The following CETP variants were observed in gnomAD, a reference collection of about 807,000 sequenced individuals.
CETP encodes cholesteryl ester transfer protein.
In CETP, 56 loss-of-function variants were observed where a neutral mutation model predicts 66.5. The observed-to-expected ratio is 0.84, with a 90% CI of 0.68 to 1.05. The LOEUF (loss-of-function observed/expected upper bound fraction) is 1.05. Among genes scored for constraint, CETP ranks in the 50% least tolerant of loss-of-function variants. The pLI, the probability that CETP is intolerant of heterozygous loss-of-function variation, is 0.00. For synonymous variants in CETP, 251 were observed against 245.7 expected, an observed-to-expected ratio of 1.02 and a Z score of -0.20; for missense variants, 612 against 609.6, an observed-to-expected ratio of 1.00 and a Z score of -0.04.
chr16:56,978,111 C>T lies in CETP; in HGVS notation c.1002C>T (p.Ser334=), dbSNP rs770138577. The change falls in exon 11 of 16, where the codon AGC becomes AGT. Residue 334 remains serine, a synonymous_variant. Coordinates refer to ENST00000200676, the MANE Select transcript of CETP (RefSeq NM_000078.3). ...CACAGGTTGTCGGCGGCTTCCCCAG[C>T]CAGGCCCAAGTCACCGTCCACTGCC... The part of the protein sequence containing the change: ...IFQEVVGGFP[S]QAQVTVHCLK... 6.2e-7 allele frequency: 1 copy of T among 1,614,246 alleles called. No homozygotes were observed. Among genetic ancestry groups the T allele is most frequent in the African/African-American group, 1.3e-5 (1 of 75,066 alleles).
chr16:56,981,815 T>C (rs1204886920), intron 13 of CETP, 135 bp downstream of exon 13: 26 of 853,392 alleles, frequency 3.0e-5, no homozygotes, highest in Non-Finnish European at 4.8e-5. Context: ...ATGCTGTGTC[T>C]CTTGTGACCC....
chr16:56,979,923 T>G (rs557070842), intron 11 of CETP, among the ~76,000 whole-genome samples: 19 of 152,326 alleles, frequency 1.2e-4, no homozygotes. Context: ...TCCAGGGGCC[T>G]TCGATGTGGT....
chr16:56,975,739 TC>T (rs35874588), intron 10 of CETP, among the ~76,000 whole-genome samples: 95,615 of 151,432 alleles, frequency 0.63, 30,756 homozygotes, highest in Non-Finnish European at 0.69. Context: ...GTCACCTCAC[TC>T]CCCCCACCCA....
chr16:56,981,144 G>A lies in CETP; in HGVS notation c.1147-14G>A. 2 of 1,608,578 alleles carry A rather than the reference G, an allele frequency of 1.2e-6. No homozygotes were observed. Among genetic ancestry groups the A allele is most frequent in the South Asian group, 1.1e-5 (1 of 90,980 alleles). On this transcript the variant is annotated splice_polypyrimidine_tract_variant and intron_variant, in intron 11 of 15. Transcript: ENST00000200676. ...AGAGCCCTGGCTCACAGCAAATTTGGTTTCTCTCCCCAGGATATCGTGACT... is the reference window on the plus strand; with the variant it reads ...AGAGCCCTGGCTCACAGCAAATTTGATTTCTCTCCCCAGGATATCGTGACT...
At chr16:56,970,777 GAC>G (rs1596999831) in intron 5 of CETP, among the ~76,000 whole-genome samples, 1 of 152,334 alleles carries the variant, frequency 6.6e-6, no homozygotes, top group East Asian at 1.9e-4. Context: ...TTGGACTCTA[GAC>G]ACGTTCTCGT....
intron 15 of CETP, 81 bp downstream of exon 15, chr16:56,983,492 T>C (rs1322523893): frequency 1.2e-5 from 19 of 1,596,034 alleles, no homozygotes; most frequent in East Asian, 2.2e-5. Flanking sequence ...CTGGGGGCTG[T>C]TGGGGAGACA....
Position 56,963,051 on chromosome 16 carries a change from C to T in CETP, c.160C>T (p.Arg54Ter), listed in dbSNP as rs780627434. Residue 54 changes from arginine (R) to a stop codon, truncating the protein, a stop_gained, in exon 2 of 16, where the codon CGA becomes TGA. Coordinates refer to ENST00000200676, the MANE Select transcript of CETP (RefSeq NM_000078.3). LOFTEE classifies it high-confidence loss of function. ...TAKVIQTAFQ[R>*]ASYPDITGEK... ...CAAGGTGATCCAGACCGCCTTCCAG[C>T]GAGCCAGCTACCCAGATATCACGGG... is the stretch of plus-strand genomic sequence containing the variant. 1.4e-5 allele frequency: 23 copies of T among 1,614,042 alleles called. No individual in the cohort carries two copies. The highest frequency in any genetic ancestry group is 3.3e-5 in the South Asian group (3 of 91,088).
rs1213685552 is a variant in CETP at position 56,982,027 on chromosome 16, C to T, written c.1249-138C>T. On this transcript the variant is annotated intron_variant, in intron 13 of 15. Transcript: ENST00000200676. Reference sequence around the variant, plus strand: ...CACTCAGGAAGGGCACCGTCTGGGGCAGGAAAACGGAGTGGGTTGGATGTA... The same window carrying T: ...CACTCAGGAAGGGCACCGTCTGGGGTAGGAAAACGGAGTGGGTTGGATGTA... The T allele has an allele frequency of 9.7e-6, 8 of 827,246 alleles. No individual in the cohort carries two copies. The East Asian group carries it at 2.1e-4, about 21-fold the overall frequency. The allele number at this position is 827,246 out of a possible 1,614,324, so 51.2% of individuals were successfully genotyped here.
chr16:56,969,805 G>A, intron 4 of CETP, 109 bp from the exon 5 acceptor site: 2 of 1,537,348 alleles, frequency 1.3e-6, no homozygotes, highest in East Asian at 2.3e-5. Context: ...TGGGAAGTTT[G>A]CAGGGGTGGG....
chr16:56,983,036 G>C (rs183327082), intron 14 of CETP, among the ~76,000 whole-genome samples: 5 of 152,328 alleles, frequency 3.3e-5, no homozygotes, highest in African/African-American at 1.2e-4. Context: ...TAGCAGGGTA[G>C]ACTCAGCTAA....
intron 9 of CETP, 98 bp from the exon 10 acceptor site, chr16:56,975,003 G>A: frequency 9.9e-7 from 1 of 1,013,414 alleles, no homozygotes; most frequent in South Asian, 1.3e-5. Flanking sequence ...GTCTGAGGAG[G>A]GGTCCAGTCC....
intron 5 of CETP, 106 bp from the exon 6 acceptor site, chr16:56,970,927 C>G: frequency 9.7e-7 from 1 of 1,034,054 alleles, no homozygotes; most frequent in Non-Finnish European, 1.5e-6. Flanking sequence ...TCCTGAGCTA[C>G]AAGAGTCAGG....
chr16:56,962,285 T>C (rs1442779585), intron 1 of CETP, 188 bp downstream of exon 1: 5 of 741,692 alleles, frequency 6.7e-6, no homozygotes, highest in Non-Finnish European at 1.2e-5. Context: ...GCCTTCAAGG[T>C]CAAGTTCTTT....
rs1933650696 is a variant in CETP, at chr16:56,983,589, C to T, written c.1408-3C>T. 3 of 1,614,072 alleles carry T rather than the reference C, an allele frequency of 1.9e-6. No homozygotes were observed. The highest frequency in any genetic ancestry group is 2.7e-5 in the African/African-American group (2 of 74,932). Reference sequence around the variant, plus strand: ...CCCTCTCTCCTACTGCCCCTCCCTTCAGGGCTTCCTGCTGCTGCAGATGGA... The same window carrying T: ...CCCTCTCTCCTACTGCCCCTCCCTTTAGGGCTTCCTGCTGCTGCAGATGGA... On this transcript the variant is annotated splice_region_variant and splice_polypyrimidine_tract_variant and intron_variant, in intron 15 of 15. Coordinates refer to ENST00000200676, the MANE Select transcript of CETP (RefSeq NM_000078.3).
At position 56,979,499 on chromosome 16, in the gene CETP, C is replaced by G. The variant is rs541658573; in HGVS notation, c.1146+1244C>G. On this transcript the variant is annotated intron_variant, in intron 11 of 15. Coordinates refer to ENST00000200676, the MANE Select transcript of CETP (RefSeq NM_000078.3). ...TTAAGAATCAGTATTATCTTTAATG[C>G]TCCTTAGAATATCTTCAATTTTTTT... is the stretch of plus-strand genomic sequence containing the variant. 9.5e-4 allele frequency among the ~76,000 whole-genome samples: 141 copies of G among 147,786 alleles called. 1 individual carries two copies. The highest frequency in any genetic ancestry group is 3.4e-3 in the African/African-American group (137 of 40,040).
intron 8 of CETP, among the ~76,000 whole-genome samples, 195 bp downstream of exon 8, chr16:56,972,278 C>A (rs1439125572): frequency 5.3e-5 from 8 of 152,196 alleles, no homozygotes; most frequent in Admixed American, 3.9e-4. Context: ...TGCCCCTGAC[C>A]CCTCTCTGCA....
At chr16:56,962,968 G>T (rs1460868607) in intron 1 of CETP, 42 bp from the exon 2 acceptor site, 2 of 1,549,804 alleles carry the variant, frequency 1.3e-6, no homozygotes, top group Non-Finnish European at 1.8e-6. Flanking sequence ...CAGGGGGCTT[G>T]GTGTGGGCCT....
chr16:56,969,352 C>G (rs370833647), intron 2 of CETP, 34 bp from the exon 3 acceptor site: 6 of 1,612,728 alleles, frequency 3.7e-6, no homozygotes, highest in Non-Finnish European at 2.5e-6. Flanking sequence ...CTGGATGACC[C>G]CCAACATCCT....
Position 56,963,017 on chromosome 16 carries a change from C to G in CETP, c.126C>G (p.His42Gln). 2 of 1,614,096 alleles carry G rather than the reference C, an allele frequency of 1.2e-6. No individual in the cohort carries two copies. The highest frequency in any genetic ancestry group is 2.2e-5 in the South Asian group (2 of 91,086). Residue 42 changes from histidine to glutamine, a missense_variant, in exon 2 of 16, where the codon CAC becomes CAG. By Grantham distance (24) the His-to-Gln change is conservative (BLOSUM62 0). Transcript: ENST00000200676. ...CACTGCCCTCCCCTCTAGTGAACCA[C>G]GAGACTGCCAAGGTGATCCAGACCG... Reference protein sequence around the residue: ...ITKPALLVLNHETAKVIQTAF... With the variant: ...ITKPALLVLNQETAKVIQTAF...
Sources: allele counts gnomAD v4.1 joint callset (sites outside exome capture counted in the v4.1 genomes callset), GRCh38; gene constraint gnomAD v4.1.1; transcripts MANE v1.5; gene names NCBI Gene and HGNC (gene_info 2026-07-23, HGNC 2026-07-21).